Variants in MRTFA observed in about 807,000 individuals in gnomAD.
MRTFA encodes the protein myocardin-related transcription factor A.
MRTFA carries 20 observed loss-of-function variants against 83.5 expected under a neutral mutation model. That is an observed-to-expected ratio of 0.24 (90% CI 0.17 to 0.35). The LOEUF is 0.35. Ranked by LOEUF, MRTFA falls within the 10% of genes least tolerant of loss-of-function variation. MRTFA has a pLI of 1.00. For missense variants in MRTFA, 1,200 were observed against 1,224.7 expected (o/e 0.98, Z 0.30); for synonymous variants, 659 against 541.2 (o/e 1.22, Z -3.02).
chr22:40,594,172 T>A (rs1269951747), intron 2 of MRTFA, among the ~76,000 whole-genome samples: 1 of 152,176 alleles, frequency 6.6e-6, no homozygotes, highest in African/African-American at 2.4e-5. Flanking sequence ...GATCCTGTCA[T>A]CAGTAACAAA....
chr22:40,473,718 C>A (rs1454218106), intron 3 of MRTFA, among the ~76,000 whole-genome samples: 1 of 152,176 alleles, frequency 6.6e-6, no homozygotes, highest in African/African-American at 2.4e-5. Flanking sequence ...TGAAGCTCAG[C>A]ATGCAGATAA....
intron 3 of MRTFA, among the ~76,000 whole-genome samples, chr22:40,537,011 G>GT (rs2055191999): frequency 1.8e-5 from 1 of 57,000 alleles, no homozygotes; most frequent in Non-Finnish European, 3.5e-5. Context: ...CGGGAGGGAG[G>GT]TGGGGGGGGG....
chr22:40,531,431 C>T (rs1436410427), intron 3 of MRTFA, among the ~76,000 whole-genome samples: 6 of 151,956 alleles, frequency 3.9e-5, no homozygotes, highest in Non-Finnish European at 8.8e-5. Context: ...CTCACCAAAA[C>T]CCCCAAGCTC....
chr22:40,571,430 A>C (rs2055791161), intron 2 of MRTFA, among the ~76,000 whole-genome samples: 1 of 152,216 alleles, frequency 6.6e-6, no homozygotes, highest in South Asian at 2.1e-4. Flanking sequence ...GGAGGTCCAG[A>C]TATTTCTGTC....
intron 2 of MRTFA, among the ~76,000 whole-genome samples, chr22:40,568,983 T>C (rs994593046): frequency 2.0e-5 from 3 of 152,152 alleles, no homozygotes; most frequent in African/African-American, 7.2e-5. Flanking sequence ...GTGATCCATA[T>C]TAAAAGAGAA....
At chr22:40,435,222 G>A (rs1441221582) in intron 5 of MRTFA, among the ~76,000 whole-genome samples, 2 of 152,230 alleles carry the variant, frequency 1.3e-5, no homozygotes, top group Admixed American at 6.5e-5. Flanking sequence ...CAGGCAAGGA[G>A]GATCGGGTGA....
At chr22:40,597,454 TTTAAA>T (rs2056206952) in intron 1 of MRTFA, among the ~76,000 whole-genome samples, 1 of 152,202 alleles carries the variant, frequency 6.6e-6, no homozygotes, top group South Asian at 2.1e-4. Context: ...CAGTTGATAA[TTTAAA>T]TATTATGGTT....
intron 2 of MRTFA, among the ~76,000 whole-genome samples, chr22:40,568,472 T>C (rs1332205468): frequency 6.6e-6 from 1 of 152,258 alleles, no homozygotes; most frequent in African/African-American, 2.4e-5. Context: ...TCCTTAGTCA[T>C]GGCTCATTAT....
chr22:40,495,938 C>T (rs1266575760), intron 3 of MRTFA, among the ~76,000 whole-genome samples: 3 of 151,442 alleles, frequency 2.0e-5, no homozygotes, highest in African/African-American at 7.3e-5. Flanking sequence ...TGGTGGCACA[C>T]GCCTGTAATC....
At chr22:40,425,467 G>C (rs949703080) in intron 7 of MRTFA, among the ~76,000 whole-genome samples, 1 of 152,256 alleles carries the variant, frequency 6.6e-6, no homozygotes, top group African/African-American at 2.4e-5. Flanking sequence ...GGCTGGGTTT[G>C]TCCTTGCAGT....
chr22:40,590,390 C>T (rs1004257446), intron 2 of MRTFA, among the ~76,000 whole-genome samples: 2 of 151,880 alleles, frequency 1.3e-5, no homozygotes, highest in African/African-American at 4.8e-5. Flanking sequence ...CCAGTGTAGC[C>T]GGGCGCGGTG....
At position 40,424,370 on chromosome 22, in the gene MRTFA, T is replaced by G; in HGVS notation, c.613A>C (p.Asn205His). The G allele has an allele frequency of 1.2e-6, 2 of 1,613,308 alleles. No homozygotes were observed. Among genetic ancestry groups the G allele is most frequent in the Non-Finnish European group, 1.7e-6 (2 of 1,179,658 alleles). Residue 205 changes from asparagine (N) to histidine (H), a missense_variant, in exon 8 of 15, where the codon AAC becomes CAC. Transcript: ENST00000355630. ...GAGCTGTCTGCTACTTTGGGATAGT[T>G]CACCTGGCCCACTGAAACCCAAAGC... is the stretch of plus-strand genomic sequence containing the variant.
At chr22:40,592,512 A>T (rs1455653615) in intron 2 of MRTFA, among the ~76,000 whole-genome samples, 3 of 147,758 alleles carry the variant, frequency 2.0e-5, no homozygotes, top group African/African-American at 5.0e-5. Flanking sequence ...TTTTGGAGAC[A>T]GGGTCTCACT....
At chr22:40,553,488 A>C (rs961496423) in intron 2 of MRTFA, among the ~76,000 whole-genome samples, 3 of 152,202 alleles carry the variant, frequency 2.0e-5, no homozygotes, top group Admixed American at 1.3e-4. Context: ...CAAGGTATAC[A>C]GCTCAGGCTG....
At chr22:40,613,566 G>T (rs886979753) in intron 1 of MRTFA, among the ~76,000 whole-genome samples, 1 of 151,938 alleles carries the variant, frequency 6.6e-6, no homozygotes, top group African/African-American at 2.4e-5. Context: ...GTTTTAATTT[G>T]TATTTCTGTC....
intron 7 of MRTFA, among the ~76,000 whole-genome samples, chr22:40,424,634 G>A (rs1038164086): frequency 2.0e-5 from 3 of 152,180 alleles, no homozygotes; most frequent in African/African-American, 4.8e-5. Flanking sequence ...CCGAGCAAAC[G>A]CCTCCTTTAG....
At chr22:40,517,606 C>G (rs546227254) in intron 3 of MRTFA, among the ~76,000 whole-genome samples, 120 of 152,282 alleles carry the variant, frequency 7.9e-4, no homozygotes, top group African/African-American at 2.7e-3. Flanking sequence ...GTCTGCCACA[C>G]TGCAATGTTG....
At chr22:40,452,883 C>T (rs961342942) in intron 4 of MRTFA, among the ~76,000 whole-genome samples, 23 of 151,764 alleles carry the variant, frequency 1.5e-4, no homozygotes, top group African/African-American at 5.1e-4. Flanking sequence ...GATTCTTCTT[C>T]GGACCGAACC....
intron 3 of MRTFA, among the ~76,000 whole-genome samples, chr22:40,468,596 G>A (rs1406461903): frequency 1.3e-5 from 2 of 152,124 alleles, no homozygotes; most frequent in Non-Finnish European, 2.9e-5. Flanking sequence ...CTAATCAAAT[G>A]ACAATAAACT....
Sources: gnomAD v4.1 joint callset for allele counts (sites outside exome capture counted in the v4.1 genomes callset) on GRCh38, gnomAD v4.1.1 for gene constraint, MANE v1.5 for transcripts, NCBI Gene and HGNC (gene_info 2026-07-23, HGNC 2026-07-21) for gene names.